The following C2orf76 variants were observed in gnomAD, a reference collection of about 807,000 sequenced individuals.
C2orf76 encodes UPF0538 protein C2orf76.
A neutral mutation model predicts 16.9 loss-of-function variants in C2orf76; 23 were observed. The ratio of observed to expected loss-of-function variants is 1.36; its 90% CI spans 0.98 to 1.93. The LOEUF is 1.93. Among genes scored for constraint, C2orf76 ranks in the 30% most tolerant of loss-of-function variants. The pLI is 0.00. For missense variants in C2orf76, 152 were observed against 152.6 expected, an observed-to-expected ratio of 1.00 and a Z score of 0.02; for synonymous variants, 48 against 52.3, an observed-to-expected ratio of 0.92 and a Z score of 0.35.
chr2:119,291,715 G>T, the C2orf76 span, among the ~76,000 whole-genome samples: 1 of 152,054 alleles, frequency 6.6e-6, no homozygotes, highest in South Asian at 2.1e-4. Flanking sequence ...AAGAGGCCTG[G>T]CTCCACTGCC....
In C2orf76 at chr2:119,343,138, G is replaced by A. The variant is rs532087351; in HGVS notation, c.-12-3167C>T. On this transcript the variant is annotated intron_variant, in intron 1 of 5. Coordinates refer to ENST00000334816, the MANE Select transcript of C2orf76 (RefSeq NM_001322331.2). ...AAGTCTCTCTGAATCTTATAAGCATGTTTTGTGGTTAATGAGTTTAACAAA... is the reference window on the plus strand; with the variant it reads ...AAGTCTCTCTGAATCTTATAAGCATATTTTGTGGTTAATGAGTTTAACAAA... Among the ~76,000 whole-genome samples the A allele has an allele frequency of 7.2e-5, 11 of 152,268 alleles. No individual in the cohort carries two copies. In the South Asian group the frequency reaches 2.1e-3, roughly 29 times the overall value.
the C2orf76 span, among the ~76,000 whole-genome samples, chr2:119,291,037 G>A: frequency 0.035 from 5,304 of 151,858 alleles, 295 homozygotes; most frequent in African/African-American, 0.12. Flanking sequence ...TCAGTTCCCA[G>A]GCCCAGACAG....
the C2orf76 span, among the ~76,000 whole-genome samples, chr2:119,284,427 G>A: frequency 6.6e-6 from 1 of 152,170 alleles, no homozygotes; most frequent in African/African-American, 2.4e-5. Context: ...CTTCTCCACA[G>A]CAGGTCTCTG....
chr2:119,294,783 C>A, the C2orf76 span, among the ~76,000 whole-genome samples: 1 of 152,170 alleles, frequency 6.6e-6, no homozygotes, highest in Non-Finnish European at 1.5e-5. Flanking sequence ...TCAGCACTCG[C>A]CCTCCACCCC....
intron 2 of C2orf76, among the ~76,000 whole-genome samples, chr2:119,337,519 T>C (rs1679888601): frequency 6.6e-6 from 1 of 152,200 alleles, no homozygotes. Context: ...CTATCATTAT[T>C]ATTATTACAT....
chr2:119,348,610 G>A (rs974813641), intron 1 of C2orf76, among the ~76,000 whole-genome samples: 2 of 152,054 alleles, frequency 1.3e-5, no homozygotes, highest in African/African-American at 2.4e-5. Flanking sequence ...CGCTTGAACC[G>A]GGGAGGCAGA....
chr2:119,365,088 G>A (rs11123517), intron 1 of C2orf76, among the ~76,000 whole-genome samples: 26,419 of 151,942 alleles, frequency 0.17, 2,487 homozygotes, highest in East Asian at 0.23. Flanking sequence ...CATCACACGC[G>A]AAAATAATTA....
the C2orf76 span, among the ~76,000 whole-genome samples, chr2:119,284,966 A>G: frequency 6.6e-6 from 1 of 152,182 alleles, no homozygotes; most frequent in Non-Finnish European, 1.5e-5. Context: ...CAGTTTTCTC[A>G]TTTGTAAGAA....
the C2orf76 span, among the ~76,000 whole-genome samples, chr2:119,289,259 A>G: frequency 6.6e-6 from 1 of 152,014 alleles, no homozygotes; most frequent in Non-Finnish European, 1.5e-5. Flanking sequence ...GTAGGGACAT[A>G]CTGTACTCTG....
chr2:119,366,567 G>A, intron 1 of C2orf76: 12 of 466,634 alleles, frequency 2.6e-5, no homozygotes, highest in South Asian at 1.9e-4. Flanking sequence ...GGTCCCGCCC[G>A]CCATTCCCAG....
At chr2:119,346,722 G>A (rs543797591) in intron 1 of C2orf76, among the ~76,000 whole-genome samples, 27 of 152,276 alleles carry the variant, frequency 1.8e-4, no homozygotes, top group African/African-American at 6.3e-4. Flanking sequence ...ATTCTTGACT[G>A]TAGTGTTACC....
At chr2:119,295,247 G>T in the C2orf76 span, among the ~76,000 whole-genome samples, 1 of 152,106 alleles carries the variant, frequency 6.6e-6, no homozygotes. Flanking sequence ...GGTCAGCCAG[G>T]AGCTAAAATC....
At chr2:119,312,952 T>G (rs1192140736) in intron 4 of C2orf76, among the ~76,000 whole-genome samples, 1 of 149,332 alleles carries the variant, frequency 6.7e-6, no homozygotes, top group Non-Finnish European at 1.5e-5. Flanking sequence ...GGCATGAACC[T>G]GGGAGGCAGA....
intron 1 of C2orf76, among the ~76,000 whole-genome samples, chr2:119,348,067 A>G (rs1358479268): frequency 6.6e-6 from 1 of 151,610 alleles, no homozygotes; most frequent in Non-Finnish European, 1.5e-5. Flanking sequence ...AAAAAAAAAA[A>G]AAATACTAGA....
intron 1 of C2orf76, among the ~76,000 whole-genome samples, chr2:119,347,120 C>G (rs1680229303): frequency 1.3e-5 from 2 of 152,190 alleles, no homozygotes; most frequent in African/African-American, 4.8e-5. Context: ...CTGGGGCTGA[C>G]AACACCTGAA....
At chr2:119,326,193 A>G (rs1435871888) in intron 2 of C2orf76, among the ~76,000 whole-genome samples, 1 of 152,136 alleles carries the variant, frequency 6.6e-6, no homozygotes, top group Non-Finnish European at 1.5e-5. Context: ...TTTCTTCTAG[A>G]TGTTTTATAG....
At chr2:119,291,334 T>C in the C2orf76 span, among the ~76,000 whole-genome samples, 12 of 151,936 alleles carry the variant, frequency 7.9e-5, no homozygotes, top group Admixed American at 3.3e-4. Flanking sequence ...TATCCATTCA[T>C]TCTACCACCT....
At chr2:119,342,845 C>T (rs947686842) in intron 1 of C2orf76, among the ~76,000 whole-genome samples, 2 of 151,976 alleles carry the variant, frequency 1.3e-5, no homozygotes, top group Non-Finnish European at 2.9e-5. Flanking sequence ...ACTGCAACGT[C>T]CCTCTCCCGG....
chr2:119,334,553 G>C (rs1017837589), intron 2 of C2orf76, among the ~76,000 whole-genome samples: 1 of 151,696 alleles, frequency 6.6e-6, no homozygotes, highest in African/African-American at 2.4e-5. Flanking sequence ...AGCCAGGCAT[G>C]GTGGCATGCA....
Sources: allele counts gnomAD v4.1 joint callset (sites outside exome capture counted in the v4.1 genomes callset), GRCh38; gene constraint gnomAD v4.1.1; transcripts MANE v1.5; gene names NCBI Gene and HGNC (gene_info 2026-07-23, HGNC 2026-07-21).